The following PHYHIPL variants were observed in gnomAD, a reference collection of about 807,000 sequenced individuals.
PHYHIPL encodes the protein phytanoyl-CoA 2-hydroxylase interacting protein like.
PHYHIPL carries 9 observed loss-of-function variants against 33.4 expected under a neutral mutation model. The observed-to-expected ratio is 0.27, with a 90% confidence interval of 0.16 to 0.47. The LOEUF (loss-of-function observed/expected upper bound fraction) is 0.47, where lower values mean the gene tolerates loss of function less well. Ranked by LOEUF, PHYHIPL falls within the 20% of genes least tolerant of loss-of-function variation. The pLI is 0.99. For missense variants in PHYHIPL, 365 were observed against 460.7 expected, an observed-to-expected ratio of 0.79 and a Z score of 1.90; for synonymous variants, 153 against 154.1, an observed-to-expected ratio of 0.99 and a Z score of 0.05.
chr10:59,179,649 C>T (rs1838346200), intron 1 of PHYHIPL, among the ~76,000 whole-genome samples: 1 of 152,042 alleles, frequency 6.6e-6, no homozygotes, highest in South Asian at 2.1e-4. Context: ...CTGTATATCT[C>T]TCTTATGTTT....
At chr10:59,214,183 A>G (rs1207960591) in intron 1 of PHYHIPL, among the ~76,000 whole-genome samples, 7 of 152,178 alleles carry the variant, frequency 4.6e-5, no homozygotes, top group Admixed American at 4.6e-4. Flanking sequence ...ATACAAGCAC[A>G]AGGAAAACAT....
chr10:59,231,486 AG>A (rs1435614307), intron 1 of PHYHIPL, among the ~76,000 whole-genome samples: 3 of 152,124 alleles, frequency 2.0e-5, no homozygotes, highest in Admixed American at 2.0e-4. Flanking sequence ...ACACAAAGAA[AG>A]ACACTTTTAG....
rs1257900302 is a variant in PHYHIPL at position 59,186,348 on chromosome 10, A to T, written c.106+9389A>T. ...CTATCTCTGTTTTGGTACCAGTACC[A>T]TGCTGTTTTGGTTACCGTAGCCTTG... On this transcript the variant is annotated intron_variant, in intron 1 of 4. Coordinates refer to ENST00000373880, the MANE Select transcript of PHYHIPL (RefSeq NM_032439.4). Among the ~76,000 whole-genome samples, 8 of 152,294 alleles carry T rather than the reference A, an allele frequency of 5.3e-5. 1 individual carries two copies. The South Asian group carries it at 1.7e-3, about 32-fold the overall frequency.
At chr10:59,173,928 T>G (rs976572855), upstream of PHYHIPL, among the ~76,000 whole-genome samples, 3 of 88,502 alleles carry the variant, frequency 3.4e-5, no homozygotes, top group East Asian at 2.8e-4. Flanking sequence ...GAGGTTTTTT[T>G]TTTTTTTTTT....
chr10:59,198,672 C>T (rs921288009), intron 1 of PHYHIPL, among the ~76,000 whole-genome samples: 62 of 152,350 alleles, frequency 4.1e-4, no homozygotes, highest in African/African-American at 1.4e-3. Context: ...GTCCCACTAA[C>T]AGTGTAAAAG....
At chr10:59,197,591 C>G (rs560006230) in intron 1 of PHYHIPL, among the ~76,000 whole-genome samples, 2 of 152,122 alleles carry the variant, frequency 1.3e-5, no homozygotes, top group East Asian at 1.9e-4. Flanking sequence ...ATGTCTGTAC[C>G]TTTGTGCCAG....
rs147198846 is a variant in PHYHIPL at position 59,234,289 on chromosome 10, ATTG to A, written c.107-12_107-10del. ...TTAATTGGAAATTAACTTCCTGTGC[ATTG>A]TTTTCTTGCAGGGAACAAATCACAA... On this transcript the variant is annotated splice_polypyrimidine_tract_variant and intron_variant, in intron 1 of 4. Coordinates refer to ENST00000373880, the MANE Select transcript of PHYHIPL (RefSeq NM_032439.4). 3.3e-6 allele frequency: 5 copies of A among 1,530,988 alleles called. No individual in the cohort carries two copies. In the East Asian group the frequency reaches 1.3e-4, roughly 39 times the overall value. 94.8% of individuals were successfully genotyped at this position (1,530,988 alleles called of 1,614,324 possible).
At chr10:59,220,203 C>T (rs937972605) in intron 1 of PHYHIPL, among the ~76,000 whole-genome samples, 1 of 151,924 alleles carries the variant, frequency 6.6e-6, no homozygotes, top group African/African-American at 2.4e-5. Flanking sequence ...AAAGTTGATC[C>T]ATTCTGTTTT....
intron 1 of PHYHIPL, among the ~76,000 whole-genome samples, chr10:59,205,831 C>T (rs147386500): frequency 7.4e-4 from 112 of 152,202 alleles, no homozygotes; most frequent in African/African-American, 2.5e-3. Context: ...TAGTATTAAG[C>T]CATAAGTCTT....
intron 4 of PHYHIPL, 122 bp from the exon 5 acceptor site, chr10:59,244,929 TATTCTG>T (rs910440749): frequency 1.1e-6 from 1 of 938,478 alleles, no homozygotes; most frequent in Non-Finnish European, 1.5e-6. Context: ...GTTGTCCCCT[TATTCTG>T]ATAGTAAGAG....
At chr10:59,206,303 C>T (rs903498587) in intron 1 of PHYHIPL, among the ~76,000 whole-genome samples, 5 of 152,194 alleles carry the variant, frequency 3.3e-5, no homozygotes, top group African/African-American at 1.2e-4. Flanking sequence ...TGTTAGACTA[C>T]TTATACTGCG....
chr10:59,175,994 G>T (rs1838241514), upstream of PHYHIPL, among the ~76,000 whole-genome samples: 1 of 152,186 alleles, frequency 6.6e-6, no homozygotes, highest in East Asian at 1.9e-4. Flanking sequence ...TCACCTTTCT[G>T]GCAGTAAGGA....
intron 1 of PHYHIPL, chr10:59,177,319 G>A (rs1040179160): frequency 2.4e-5 from 17 of 717,162 alleles, no homozygotes; most frequent in Non-Finnish European, 3.5e-5. Context: ...CACTGAAGGG[G>A]AAATGCCCTC....
chr10:59,176,325 G>A (rs1838247989), upstream of PHYHIPL, among the ~76,000 whole-genome samples: 1 of 152,212 alleles, frequency 6.6e-6, no homozygotes, highest in Admixed American at 6.5e-5. Context: ...GGCACCGAGA[G>A]CAGACAGAAG....
intron 1 of PHYHIPL, among the ~76,000 whole-genome samples, chr10:59,194,004 C>A (rs2452513): frequency 0.012 from 1,834 of 151,224 alleles, 37 homozygotes; most frequent in African/African-American, 0.042. Context: ...GTTCCAAATT[C>A]CAAATACAAT....
chr10:59,199,051 T>G (rs898673057), intron 1 of PHYHIPL, among the ~76,000 whole-genome samples: 13 of 152,192 alleles, frequency 8.5e-5, no homozygotes, highest in African/African-American at 3.1e-4. Flanking sequence ...GCAGAAGCTC[T>G]TTAGTTTAAT....
chr10:59,200,375 G>T (rs1442121169), intron 1 of PHYHIPL, among the ~76,000 whole-genome samples: 2 of 152,168 alleles, frequency 1.3e-5, no homozygotes, highest in Non-Finnish European at 2.9e-5. Context: ...ATTTGCGTAT[G>T]TTAAACCAGC....
chr10:59,178,855 A>G (rs1838324172), intron 1 of PHYHIPL, among the ~76,000 whole-genome samples: 1 of 152,158 alleles, frequency 6.6e-6, no homozygotes. Context: ...ATCCCACAAA[A>G]TGAACAAATT....
chr10:59,176,666 C>G lies in PHYHIPL; in HGVS notation c.-188C>G. On this transcript the variant is annotated 5_prime_UTR_variant, in exon 1 of 5. Transcript: ENST00000373880. ...TCAGAGCCGCACACTCCGCGGAGCT[C>G]CTGCCACAGCCGTCGCCTTCGCGGC... The G allele has an allele frequency of 1.8e-6, 1 of 564,376 alleles. No homozygotes were observed. The highest frequency in any genetic ancestry group is 3.1e-5 in the East Asian group (1 of 31,792). The allele number at this position is 564,376 out of a possible 1,614,324, so 35.0% of individuals were successfully genotyped here. A position where few individuals can be genotyped will look rare whatever the true frequency, so the allele number is the denominator to read the frequency against.
Sources: allele counts gnomAD v4.1 joint callset (sites outside exome capture counted in the v4.1 genomes callset), GRCh38; gene constraint gnomAD v4.1.1; transcripts MANE v1.5; gene names NCBI Gene and HGNC (gene_info 2026-07-23, HGNC 2026-07-21).